Variants in COG5 observed in about 807,000 individuals in gnomAD.
COG5 encodes the protein conserved oligomeric Golgi complex subunit 5.
Under a neutral mutation model 110.4 loss-of-function variants are expected in COG5, and 86 were observed. The ratio of observed to expected loss-of-function variants is 0.78; its 90% CI spans 0.65 to 0.93. The LOEUF is 0.93. Among genes scored for constraint, COG5 ranks in the 40% least tolerant of loss-of-function variants. The pLI is 0.00. For missense variants in COG5, 1,077 were observed against 987.0 expected (o/e 1.09, Z -1.22); for synonymous variants, 360 against 334.6 (o/e 1.08, Z -0.83).
At chr7:107,512,553 C>G (rs1019394711) in intron 6 of COG5, among the ~76,000 whole-genome samples, 4 of 151,098 alleles carry the variant, frequency 2.6e-5, no homozygotes, top group Admixed American at 6.6e-5. Context: ...CTACTTTAAA[C>G]TTCATATGGA....
chr7:107,222,870 T>A (rs1051200132), intron 19 of COG5, among the ~76,000 whole-genome samples: 4 of 152,112 alleles, frequency 2.6e-5, no homozygotes, highest in African/African-American at 9.7e-5. Flanking sequence ...TAGTGTCAAT[T>A]TGTCAACTAT....
At chr7:107,438,884 T>C (rs1395826897) in intron 6 of COG5, among the ~76,000 whole-genome samples, 1 of 152,176 alleles carries the variant, frequency 6.6e-6, no homozygotes, top group Non-Finnish European at 1.5e-5. Context: ...CAAGTAGGCA[T>C]TGTTTTCTCC....
Position 107,256,712 on chromosome 7 carries a change from C to T in COG5, c.1749+20G>A. The T allele has an allele frequency of 1.9e-6, 3 of 1,566,784 alleles. No individual in the cohort carries two copies. Among genetic ancestry groups the T allele is most frequent in the Non-Finnish European group, 2.6e-6 (3 of 1,138,802 alleles). On this transcript the variant is annotated intron_variant, in intron 16 of 21. Coordinates refer to ENST00000297135, the MANE Select transcript of COG5 (RefSeq NM_006348.5). ...CTAAAACCACTTTGATCTATAGAGT[C>T]AAAGATTAAATTCTTTTACCTTTAG...
chr7:107,452,459 C>A (rs753852474), intron 6 of COG5, among the ~76,000 whole-genome samples: 1 of 152,098 alleles, frequency 6.6e-6, no homozygotes, highest in African/African-American at 2.4e-5. Flanking sequence ...ATGAAAGGAA[C>A]CCGGTGGGAG....
chr7:107,395,121 T>C (rs1790892306), intron 7 of COG5, among the ~76,000 whole-genome samples: 1 of 152,150 alleles, frequency 6.6e-6, no homozygotes, highest in Non-Finnish European at 1.5e-5. Flanking sequence ...AAATTTTACT[T>C]CCAAAATAAT....
Position 107,474,045 on chromosome 7 carries a change from C to CCTAG in COG5, c.538+53191_538+53192insCTAG. 7.1e-7 allele frequency: 1 copy of CCTAG among 1,413,804 alleles called. No homozygotes were observed. Among genetic ancestry groups the CCTAG allele is most frequent in the Non-Finnish European group, 9.7e-7 (1 of 1,035,124 alleles). The allele number at this position is 1,413,804 out of a possible 1,614,324, so 87.6% of individuals were successfully genotyped here. A position where few individuals can be genotyped will look rare whatever the true frequency, so the allele number is the denominator to read the frequency against. On this transcript the variant is annotated intron_variant, in intron 6 of 21. Coordinates refer to ENST00000297135, the MANE Select transcript of COG5 (RefSeq NM_006348.5). The surrounding 1 kb of genome is among the most constrained non-coding windows in gnomAD (Gnocchi z 5.7). Reference sequence around the variant, plus strand: ...TATTTCACTTTCTAGGGAAAAAAACCAACTGCTCCAAAAGAATGTGTTTTT... The same window carrying CCTAG: ...TATTTCACTTTCTAGGGAAAAAAACCCTAGAACTGCTCCAAAAGAATGTGTTTTT...
chr7:107,407,820 A>G (rs963214785), intron 7 of COG5, among the ~76,000 whole-genome samples: 2 of 152,174 alleles, frequency 1.3e-5, no homozygotes, highest in East Asian at 1.9e-4. Flanking sequence ...ACAGAGGCTG[A>G]ACAAACCTGT....
At chr7:107,555,380 AATC>A (rs2129177685) in intron 2 of COG5, among the ~76,000 whole-genome samples, 1 of 152,328 alleles carries the variant, frequency 6.6e-6, no homozygotes, top group East Asian at 1.9e-4. Flanking sequence ...TGAAGTTCTT[AATC>A]ACCAACGACT....
chr7:107,497,823 T>C (rs555009450), intron 6 of COG5, among the ~76,000 whole-genome samples: 1 of 152,210 alleles, frequency 6.6e-6, no homozygotes, highest in East Asian at 1.9e-4. Flanking sequence ...CAGAAGACCC[T>C]GAATAGTCAA....
intron 6 of COG5, among the ~76,000 whole-genome samples, chr7:107,491,059 A>C (rs928309319): frequency 3.3e-5 from 5 of 152,056 alleles, no homozygotes; most frequent in African/African-American, 1.2e-4. Context: ...GCTACCATTT[A>C]ACTCACTTTA....
chr7:107,295,103 T>TATATA (rs1562955870), intron 12 of COG5, among the ~76,000 whole-genome samples: 5 of 46,056 alleles, frequency 1.1e-4, no homozygotes, highest in Non-Finnish European at 1.3e-4. Context: ...ATATATATAT[T>TATATA]TTTTTTTTTT....
intron 19 of COG5, among the ~76,000 whole-genome samples, chr7:107,225,662 AC>A (rs1310887507): frequency 1.3e-5 from 2 of 152,280 alleles, no homozygotes; most frequent in East Asian, 3.9e-4. Context: ...ACAGATGTGC[AC>A]CACCATGCCT....
intron 3 of COG5, among the ~76,000 whole-genome samples, chr7:107,549,439 T>C (rs945564225): frequency 2.0e-5 from 3 of 152,182 alleles, no homozygotes; most frequent in African/African-American, 7.2e-5. Context: ...TCGCCCAGGC[T>C]GGAGTGCAGT....
chr7:107,517,950 C>T (rs991388223), intron 6 of COG5, among the ~76,000 whole-genome samples: 3 of 152,116 alleles, frequency 2.0e-5, no homozygotes, highest in African/African-American at 4.8e-5. Context: ...CCCGCCTCGG[C>T]GTCCCAAAGT....
At chr7:107,475,304 C>A (rs1584872051) in intron 6 of COG5, 1 of 1,584,218 alleles carries the variant, frequency 6.3e-7, no homozygotes, top group Non-Finnish European at 8.6e-7. Flanking sequence ...AAAAAAATTA[C>A]CTTTGAAGAT....
intron 18 of COG5, among the ~76,000 whole-genome samples, chr7:107,235,801 T>A (rs142395982): frequency 6.6e-6 from 1 of 152,244 alleles, no homozygotes; most frequent in Non-Finnish European, 1.5e-5. Context: ...TTTTTCTTCA[T>A]TGCCTACTGA....
intron 1 of COG5, among the ~76,000 whole-genome samples, chr7:107,561,135 G>A (rs1296687061): frequency 2.0e-5 from 3 of 152,222 alleles, no homozygotes; most frequent in Non-Finnish European, 2.9e-5. Context: ...ACAACGGGAT[G>A]TGGCATTTGA....
At chr7:107,445,492 G>C (rs1288063556) in intron 6 of COG5, among the ~76,000 whole-genome samples, 2 of 152,118 alleles carry the variant, frequency 1.3e-5, no homozygotes, top group South Asian at 2.1e-4. Flanking sequence ...ACACATAAGA[G>C]ACTACTATTT....
intron 6 of COG5, among the ~76,000 whole-genome samples, chr7:107,428,029 C>G (rs1447897000): frequency 6.6e-6 from 1 of 151,904 alleles, no homozygotes; most frequent in African/African-American, 2.4e-5. Flanking sequence ...AGACTACAAC[C>G]AAGGCACCAC....
Sources: allele counts gnomAD v4.1 joint callset (sites outside exome capture counted in the v4.1 genomes callset), GRCh38; gene constraint gnomAD v4.1.1; non-coding constraint Gnocchi (gnomAD v3.1); transcripts MANE v1.5; gene names NCBI Gene and HGNC (gene_info 2026-07-23, HGNC 2026-07-21).